OPCML: variants seen among roughly 807,000 people sequenced by gnomAD.
The protein encoded by OPCML is opioid binding protein/cell adhesion molecule like, also known as opioid-binding protein/cell adhesion molecule.
In OPCML, 13 loss-of-function variants were observed where a neutral mutation model predicts 37.8. The ratio of observed to expected loss-of-function variants is 0.34; its 90% CI spans 0.22 to 0.55. OPCML has a LOEUF of 0.55. OPCML is among the 20% of genes least tolerant of loss of function. The probability of loss-of-function intolerance (pLI) is 0.91; values close to 1 mark genes in which losing one functional copy is unlikely to be tolerated. For missense variants in OPCML, 341 were observed against 435.6 expected (o/e 0.78, Z 1.93); for synonymous variants, 176 against 168.8 (o/e 1.04, Z -0.33).
intron 2 of OPCML, among the ~76,000 whole-genome samples, chr11:132,903,465 C>G (rs1194916563): frequency 6.6e-6 from 1 of 152,158 alleles, no homozygotes; most frequent in Non-Finnish European, 1.5e-5. Flanking sequence ...GAACCCTTCT[C>G]TCATTCAAGG....
chr11:133,306,028 G>A (rs1017768954), intron 1 of OPCML, among the ~76,000 whole-genome samples: 3 of 152,170 alleles, frequency 2.0e-5, no homozygotes, highest in Non-Finnish European at 4.4e-5. Context: ...AGCTGAAAAG[G>A]TGATTTAAGG....
chr11:132,831,621 C>T (rs555184357), intron 2 of OPCML, among the ~76,000 whole-genome samples: 1 of 152,162 alleles, frequency 6.6e-6, no homozygotes, highest in South Asian at 2.1e-4. Flanking sequence ...TCCATCATAA[C>T]TGGTAATAGG....
At chr11:132,883,568 T>C (rs1300807019) in intron 2 of OPCML, among the ~76,000 whole-genome samples, 1 of 152,152 alleles carries the variant, frequency 6.6e-6, no homozygotes, top group African/African-American at 2.4e-5. Flanking sequence ...TGAAACATGA[T>C]TTTATTTAGG....
intron 2 of OPCML, among the ~76,000 whole-genome samples, chr11:132,735,564 G>A: frequency 6.6e-6 from 1 of 152,058 alleles, no homozygotes. Context: ...TTGGCTCACT[G>A]CAAGTTCCTC....
intron 2 of OPCML, among the ~76,000 whole-genome samples, chr11:132,835,403 A>G (rs1213129741): frequency 6.6e-6 from 1 of 152,248 alleles, no homozygotes; most frequent in Non-Finnish European, 1.5e-5. Context: ...AGAAGTCAGT[A>G]CTGAGTACAC....
chr11:133,354,305 C>CATGGTGATAGTG (rs1565588802), intron 1 of OPCML, among the ~76,000 whole-genome samples: 1 of 9,546 alleles, frequency 1.0e-4, no homozygotes, highest in African/African-American at 3.3e-4. Flanking sequence ...GTGGTGGTGA[C>CATGGTGATAGTG]GTGTTGGTAG....
chr11:133,529,886 G>A (rs1371613920), intron 1 of OPCML, among the ~76,000 whole-genome samples: 3 of 152,204 alleles, frequency 2.0e-5, no homozygotes, highest in Admixed American at 1.3e-4. Flanking sequence ...GATCCAGCCA[G>A]GTTTCCCACA....
intron 1 of OPCML, among the ~76,000 whole-genome samples, chr11:133,259,669 T>C (rs1941427818): frequency 1.3e-5 from 2 of 152,172 alleles, no homozygotes; most frequent in Non-Finnish European, 2.9e-5. Flanking sequence ...AAAAACGAAA[T>C]TATACTTTTT....
intron 2 of OPCML, among the ~76,000 whole-genome samples, chr11:132,904,196 T>C (rs1420301583): frequency 6.6e-6 from 1 of 152,186 alleles, no homozygotes; most frequent in African/African-American, 2.4e-5. Context: ...GTCAATCTAC[T>C]GATTCAGGAA....
intron 3 of OPCML, among the ~76,000 whole-genome samples, chr11:132,578,250 T>C (rs1414491331): frequency 6.6e-6 from 1 of 152,186 alleles, no homozygotes; most frequent in Non-Finnish European, 1.5e-5. Flanking sequence ...GAGAATCCTA[T>C]TTTCCAAACT....
chr11:133,192,437 T>C (rs1029330347), intron 1 of OPCML, among the ~76,000 whole-genome samples: 1 of 152,234 alleles, frequency 6.6e-6, no homozygotes, highest in African/African-American at 2.4e-5. Context: ...TGCCTACTCA[T>C]AGATCCAGAA....
chr11:133,262,734 G>T (rs1373224843), intron 1 of OPCML, among the ~76,000 whole-genome samples: 1 of 152,088 alleles, frequency 6.6e-6, no homozygotes. Flanking sequence ...CCTGACTGTG[G>T]AGTGGGAATG....
At position 132,460,042 on chromosome 11, in the gene OPCML, G is replaced by A. The variant is rs562462636; in HGVS notation, c.506-22683C>T. Among the ~76,000 whole-genome samples, 7 of 152,302 alleles carry A rather than the reference G, an allele frequency of 4.6e-5. No homozygotes were observed. In the South Asian group the frequency reaches 1.0e-3, roughly 23 times the overall value. ...TTGTGGGGGTGGGATGGCTACTTGAGCTGGCAACCAAACAGTCTAACAGGT... is the reference window on the plus strand; with the variant it reads ...TTGTGGGGGTGGGATGGCTACTTGAACTGGCAACCAAACAGTCTAACAGGT... On this transcript the variant is annotated intron_variant, in intron 4 of 7. Coordinates refer to ENST00000524381, the MANE Select transcript of OPCML (RefSeq NM_001012393.5).
In OPCML at chr11:133,117,987, C is replaced by T. The variant is rs993370722; in HGVS notation, c.62-174977G>A. The stretch of plus-strand genomic sequence containing the variant: ...CTTGGGGAACTGCAAGTGGAGGAGA[C>T]ATCAAATAGCAGCTTTTGTTTTCAA... On this transcript the variant is annotated intron_variant, in intron 1 of 7. Coordinates refer to ENST00000524381, the MANE Select transcript of OPCML (RefSeq NM_001012393.5). 5.3e-6 allele frequency: 5 copies of T among 947,918 alleles called. No individual in the cohort carries two copies. The African/African-American group carries it at 5.3e-5, about 10-fold the overall frequency. The allele number at this position is 947,918 out of a possible 1,614,324, so 58.7% of individuals were successfully genotyped here.
At chr11:133,462,245 GA>G (rs1946876779) in intron 1 of OPCML, among the ~76,000 whole-genome samples, 1 of 151,888 alleles carries the variant, frequency 6.6e-6, no homozygotes, top group African/African-American at 2.4e-5. Flanking sequence ...AATCTTAGAG[GA>G]AAACATGAAG....
intron 1 of OPCML, among the ~76,000 whole-genome samples, chr11:133,258,562 T>C (rs2136450747): frequency 6.6e-6 from 1 of 152,292 alleles, no homozygotes; most frequent in African/African-American, 2.4e-5. Flanking sequence ...CAGGAGGTTT[T>C]CCTGAGCATG....
chr11:133,424,090 T>C (rs528764719), intron 1 of OPCML, among the ~76,000 whole-genome samples: 1 of 152,312 alleles, frequency 6.6e-6, no homozygotes, highest in African/African-American at 2.4e-5. Context: ...CACAGAGATA[T>C]TCAGTTTTTC....
chr11:133,309,344 A>G (rs747517893), intron 1 of OPCML, among the ~76,000 whole-genome samples: 4 of 152,304 alleles, frequency 2.6e-5, no homozygotes, highest in East Asian at 1.9e-4. Context: ...CCAATAATTT[A>G]TAATCTCATA....
intron 2 of OPCML, among the ~76,000 whole-genome samples, chr11:132,749,937 C>A (rs1471679700): frequency 1.3e-5 from 2 of 151,890 alleles, no homozygotes; most frequent in East Asian, 1.9e-4. Flanking sequence ...GGCTGGAGTG[C>A]CATGGTGCGA....
Sources: allele counts gnomAD v4.1 joint callset (sites outside exome capture counted in the v4.1 genomes callset), GRCh38; gene constraint gnomAD v4.1.1; transcripts MANE v1.5; gene names NCBI Gene and HGNC (gene_info 2026-07-23, HGNC 2026-07-21).